Variants in THSD7A observed in about 807,000 individuals in gnomAD.
The protein encoded by THSD7A is thrombospondin type 1 domain containing 7A, also known as thrombospondin type-1 domain-containing protein 7A.
Under a neutral mutation model 231.3 loss-of-function variants are expected in THSD7A, and 96 were observed. The ratio of observed to expected loss-of-function variants is 0.41; its 90% CI spans 0.35 to 0.49. THSD7A has a LOEUF of 0.49. Among genes scored for constraint, THSD7A ranks in the 20% least tolerant of loss-of-function variants. The pLI, the probability that THSD7A is intolerant of heterozygous loss-of-function variation, is 0.05. For missense variants in THSD7A, 2,290 were observed against 2,070.2 expected, an observed-to-expected ratio of 1.11 and a Z score of -2.06; for synonymous variants, 940 against 743.3, an observed-to-expected ratio of 1.26 and a Z score of -4.30.
intron 6 of THSD7A, among the ~76,000 whole-genome samples, chr7:11,534,255 A>G (rs1021442509): frequency 6.6e-6 from 1 of 152,204 alleles, no homozygotes; most frequent in African/African-American, 2.4e-5. Context: ...AATATATTCC[A>G]TCAAAAGGCA....
At chr7:11,782,149 T>A (rs564727550) in intron 1 of THSD7A, among the ~76,000 whole-genome samples, 21 of 152,186 alleles carry the variant, frequency 1.4e-4, no homozygotes, top group Admixed American at 7.2e-4. Context: ...AAAACCGTAT[T>A]TATTCAACAA....
At chr7:11,376,728 C>T (rs1202013855) in intron 26 of THSD7A, 71 bp from the exon 27 acceptor site, 2 of 1,166,008 alleles carry the variant, frequency 1.7e-6, no homozygotes, top group Non-Finnish European at 1.2e-6. Flanking sequence ...TAACTATGAC[C>T]AATGATCAGT....
rs531321299 is a variant in THSD7A at position 11,607,815 on chromosome 7, T to G, written c.1023-14313A>C. On this transcript the variant is annotated intron_variant, in intron 2 of 27. Transcript: ENST00000423059. ...GAGGTCTTTTCCCTTGCTTTGATAT[T>G]TGAAAATCTTTTGTTGAGCTGCTGG... Among the ~76,000 whole-genome samples the G allele has an allele frequency of 1.3e-3, 200 of 152,252 alleles. 1 individual carries two copies. Among genetic ancestry groups the G allele is most frequent in the African/African-American group, 4.6e-3 (191 of 41,554 alleles).
At chr7:11,822,612 G>C (rs1385497655) in intron 1 of THSD7A, among the ~76,000 whole-genome samples, 1 of 151,898 alleles carries the variant, frequency 6.6e-6, no homozygotes, top group African/African-American at 2.4e-5. Context: ...TTAGCTCTTT[G>C]AGAAATTTCC....
chr7:11,781,625 T>C (rs1375196833), intron 1 of THSD7A, among the ~76,000 whole-genome samples: 1 of 152,210 alleles, frequency 6.6e-6, no homozygotes, highest in East Asian at 1.9e-4. Context: ...AAACCTGGGT[T>C]GGTCCTAAAT....
intron 8 of THSD7A, among the ~76,000 whole-genome samples, chr7:11,473,722 A>G (rs1786031312): frequency 6.6e-6 from 1 of 152,022 alleles, no homozygotes; most frequent in Non-Finnish European, 1.5e-5. Flanking sequence ...CCTCCAGCAA[A>G]GTGTTTGCCC....
intron 1 of THSD7A, among the ~76,000 whole-genome samples, chr7:11,645,156 C>T (rs1782232218): frequency 6.6e-6 from 1 of 151,736 alleles, no homozygotes; most frequent in South Asian, 2.1e-4. Context: ...TGCCCAAATC[C>T]ACTGTTATTT....
intron 6 of THSD7A, among the ~76,000 whole-genome samples, chr7:11,520,611 T>TA: frequency 6.6e-6 from 1 of 152,300 alleles, no homozygotes; most frequent in South Asian, 2.1e-4. Context: ...CATATTTACT[T>TA]ATGAGTACAT....
At chr7:11,617,682 T>A (rs1184578117) in intron 2 of THSD7A, among the ~76,000 whole-genome samples, 1 of 152,188 alleles carries the variant, frequency 6.6e-6, no homozygotes, top group Non-Finnish European at 1.5e-5. Flanking sequence ...TACCTTTTAT[T>A]AGATGTTAAT....
intron 1 of THSD7A, among the ~76,000 whole-genome samples, chr7:11,806,498 C>T (rs1374516836): frequency 1.3e-5 from 2 of 151,956 alleles, no homozygotes; most frequent in Non-Finnish European, 2.9e-5. Context: ...TGTGGGGATA[C>T]AATATATATT....
rs1445134205 is a variant in THSD7A at position 11,650,859 on chromosome 7, G to A, written c.191-13898C>T. 3.3e-5 allele frequency among the ~76,000 whole-genome samples: 5 copies of A among 152,022 alleles called. No individual in the cohort carries two copies. In the South Asian group the frequency reaches 6.2e-4, roughly 19 times the overall value. On this transcript the variant is annotated intron_variant, in intron 1 of 27. Coordinates refer to ENST00000423059, the MANE Select transcript of THSD7A (RefSeq NM_015204.3). ...TTTTTTTCTAAAAATGCTTTCTTCT[G>A]AAAGGCATTTGTTTTTCTATGAACT...
intron 1 of THSD7A, among the ~76,000 whole-genome samples, chr7:11,739,729 A>G (rs189687016): frequency 6.6e-6 from 1 of 151,808 alleles, no homozygotes. Context: ...CCTCATCATC[A>G]TCTCTTGCCT....
intron 6 of THSD7A, among the ~76,000 whole-genome samples, chr7:11,515,591 A>T (rs1216774670): frequency 6.6e-6 from 1 of 152,166 alleles, no homozygotes. Flanking sequence ...AGCTAGATTT[A>T]TTACCAAACA....
At chr7:11,599,325 G>C (rs562651906) in intron 2 of THSD7A, among the ~76,000 whole-genome samples, 2 of 152,326 alleles carry the variant, frequency 1.3e-5, no homozygotes, top group East Asian at 1.9e-4. Flanking sequence ...TGAGGTGCTT[G>C]CTGAAGGCAA....
intron 13 of THSD7A, among the ~76,000 whole-genome samples, chr7:11,437,401 C>G (rs1784666759): frequency 6.6e-6 from 1 of 152,068 alleles, no homozygotes; most frequent in Non-Finnish European, 1.5e-5. Flanking sequence ...GCCCAAGTAT[C>G]CTTAGATGCT....
At chr7:11,676,498 T>C (rs1256599119) in intron 1 of THSD7A, among the ~76,000 whole-genome samples, 1 of 151,968 alleles carries the variant, frequency 6.6e-6, no homozygotes, top group Non-Finnish European at 1.5e-5. Flanking sequence ...CTAACCCCAA[T>C]GCAAGGAGGC....
intron 1 of THSD7A, among the ~76,000 whole-genome samples, chr7:11,670,750 T>G (rs1783352804): frequency 6.6e-6 from 1 of 152,136 alleles, no homozygotes; most frequent in Non-Finnish European, 1.5e-5. Flanking sequence ...TATAAATCTA[T>G]TCAAAGATCT....
At chr7:11,714,947 GAACA>G (rs2128150396) in intron 1 of THSD7A, among the ~76,000 whole-genome samples, 1 of 151,492 alleles carries the variant, frequency 6.6e-6, no homozygotes, top group African/African-American at 2.4e-5. Context: ...AGGCACAGGA[GAACA>G]AACATTTATT....
intron 4 of THSD7A, among the ~76,000 whole-genome samples, chr7:11,553,991 G>T (rs1789737967): frequency 1.3e-5 from 2 of 151,650 alleles, no homozygotes; most frequent in Admixed American, 6.6e-5. Flanking sequence ...AATGTTTTGA[G>T]GTAATTGTAG....
Sources: gnomAD v4.1 joint callset for allele counts (sites outside exome capture counted in the v4.1 genomes callset) on GRCh38, gnomAD v4.1.1 for gene constraint, MANE v1.5 for transcripts, NCBI Gene and HGNC (gene_info 2026-07-23, HGNC 2026-07-21) for gene names.